Variants in RYR2 observed in about 807,000 individuals in gnomAD.
RYR2 encodes ryanodine receptor 2.
A neutral mutation model predicts 601.1 loss-of-function variants in RYR2; 227 were observed. The observed-to-expected ratio is 0.38, with a 90% CI of 0.34 to 0.42. RYR2 has a LOEUF of 0.42. Ranked by LOEUF, RYR2 falls within the 10% of genes least tolerant of loss-of-function variation. The pLI, the probability that RYR2 is intolerant of heterozygous loss-of-function variation, is 1.00. For synonymous variants in RYR2, 2,223 were observed against 2,175.1 expected, an observed-to-expected ratio of 1.02 and a Z score of -0.61; for missense variants, 4,646 against 6,156.5, an observed-to-expected ratio of 0.75 and a Z score of 8.21.
At chr1:237,631,671 C>G in intron 42 of RYR2, 130 bp downstream of exon 42, 1 of 462,002 alleles carries the variant, frequency 2.2e-6, no homozygotes, top group East Asian at 4.4e-5. Context: ...CTCTGTCGCC[C>G]AGGCTGGAGT....
intron 47 of RYR2, among the ~76,000 whole-genome samples, chr1:237,641,513 C>CTTTCTTTCTT (rs1681525985): frequency 8.3e-6 from 1 of 120,878 alleles, no homozygotes; most frequent in African/African-American, 2.7e-5. Context: ...TTCTTTCTTT[C>CTTTCTTTCTT]TTTCTTTCTT....
At chr1:237,233,596 C>A (rs1366890890) in intron 1 of RYR2, among the ~76,000 whole-genome samples, 1 of 152,138 alleles carries the variant, frequency 6.6e-6, no homozygotes, top group African/African-American at 2.4e-5. Flanking sequence ...ATGGCTAGAA[C>A]TTAGCATATG....
intron 17 of RYR2, among the ~76,000 whole-genome samples, chr1:237,476,713 A>G (rs1456923428): frequency 1.3e-5 from 2 of 152,098 alleles, no homozygotes. Context: ...CTGTGAAATA[A>G]ATTGTGCCAT....
intron 1 of RYR2, among the ~76,000 whole-genome samples, chr1:237,133,840 G>A (rs964659047): frequency 7.5e-5 from 11 of 146,506 alleles, no homozygotes; most frequent in South Asian, 2.2e-4. Context: ...CAGGAGAATC[G>A]CTTGAACCCG....
intron 1 of RYR2, among the ~76,000 whole-genome samples, chr1:237,104,252 G>A (rs1352374225): frequency 2.0e-5 from 3 of 152,088 alleles, no homozygotes; most frequent in Non-Finnish European, 2.9e-5. Flanking sequence ...ATTACATTTG[G>A]TACTTGGAAG....
chr1:237,827,062 G>A (rs1262989751), intron 101 of RYR2, among the ~76,000 whole-genome samples: 2 of 152,184 alleles, frequency 1.3e-5, no homozygotes, highest in African/African-American at 2.4e-5. Flanking sequence ...TTAAATGTCT[G>A]TAAATGTGAC....
intron 1 of RYR2, among the ~76,000 whole-genome samples, chr1:237,181,592 C>A (rs1447895907): frequency 1.3e-5 from 2 of 152,000 alleles, no homozygotes; most frequent in Non-Finnish European, 2.9e-5. Context: ...ACAGCTGAGA[C>A]TCTCATACAT....
chr1:237,509,884 G>A (rs983903638), intron 23 of RYR2, among the ~76,000 whole-genome samples: 2 of 152,208 alleles, frequency 1.3e-5, no homozygotes, highest in Non-Finnish European at 1.5e-5. Flanking sequence ...GTGTAAAAGC[G>A]AGGAGGCAGA....
At chr1:237,751,181 TTC>T (rs1692507628) in intron 80 of RYR2, among the ~76,000 whole-genome samples, 2 of 152,346 alleles carry the variant, frequency 1.3e-5, no homozygotes, top group Middle Eastern at 6.8e-3. Flanking sequence ...CTTGTTCTTA[TTC>T]TCTCTTTTGT....
chr1:237,761,043 C>A lies in RYR2; in HGVS notation c.11476+15C>A. On this transcript the variant is annotated intron_variant, in intron 84 of 104. Transcript: ENST00000366574. The stretch of plus-strand genomic sequence containing the variant: ...GGAAGGATCAGGTATTAATGACTTA[C>A]ATTAAAAGGATCACCTGTCTCCCTT... The A allele has an allele frequency of 6.7e-7, 1 of 1,481,716 alleles. No homozygotes were observed. Among genetic ancestry groups the A allele is most frequent in the Non-Finnish European group, 9.3e-7 (1 of 1,078,462 alleles). 91.8% of individuals were successfully genotyped at this position (1,481,716 alleles called of 1,614,324 possible).
intron 47 of RYR2, among the ~76,000 whole-genome samples, chr1:237,641,975 T>C (rs1176719692): frequency 1.5e-5 from 2 of 134,708 alleles, no homozygotes; most frequent in East Asian, 4.4e-4. Flanking sequence ...TTCTATTATA[T>C]TCATTTAAAA....
intron 2 of RYR2, among the ~76,000 whole-genome samples, chr1:237,282,188 A>ATTT (rs11413100): frequency 6.9e-6 from 1 of 145,328 alleles, no homozygotes; most frequent in African/African-American, 2.5e-5. Context: ...AAGTTGGCGC[A>ATTT]TTTTTTTTTT....
intron 1 of RYR2, among the ~76,000 whole-genome samples, chr1:237,093,990 G>A (rs1209819472): frequency 2.0e-5 from 3 of 152,198 alleles, no homozygotes; most frequent in African/African-American, 7.2e-5. Context: ...CCTAGGCAGT[G>A]GCGACAGGAA....
chr1:237,204,284 C>G (rs1463139873), intron 1 of RYR2, among the ~76,000 whole-genome samples: 1 of 152,202 alleles, frequency 6.6e-6, no homozygotes, highest in Non-Finnish European at 1.5e-5. Flanking sequence ...GCTGGGATTA[C>G]AGGCGTGAGC....
rs577723523 is a variant in RYR2 at position 237,106,370 on chromosome 1, A to AT, written c.48+63808dup. 1.3e-3 allele frequency among the ~76,000 whole-genome samples: 194 copies of AT among 152,068 alleles called. 1 individual carries two copies. The highest frequency in any genetic ancestry group is 4.3e-3 in the African/African-American group (177 of 41,494). On this transcript the variant is annotated intron_variant, in intron 1 of 104. Coordinates refer to ENST00000366574, the MANE Select transcript of RYR2 (RefSeq NM_001035.3). This position sits in a 1 kb window ranked among gnomAD's most constrained non-coding sequence, Gnocchi z 4.4. ...GGCACCGAGCAGCAGGACCCTGGATATTTTTTTGGACATAGAGCCAGGAGG... is the reference window on the plus strand; with the variant it reads ...GGCACCGAGCAGCAGGACCCTGGATATTTTTTTTGGACATAGAGCCAGGAGG...
intron 80 of RYR2, among the ~76,000 whole-genome samples, chr1:237,748,499 T>C (rs1476472603): frequency 1.3e-5 from 2 of 152,156 alleles, no homozygotes; most frequent in Admixed American, 1.3e-4. Flanking sequence ...TCCATTAACA[T>C]GGGGTCTCCT....
intron 12 of RYR2, among the ~76,000 whole-genome samples, chr1:237,426,242 A>G (rs1213783141): frequency 6.6e-6 from 1 of 152,172 alleles, no homozygotes; most frequent in African/African-American, 2.4e-5. Flanking sequence ...GGAGAGCTCC[A>G]GGAAAGACAG....
At chr1:237,177,703 G>T (rs1276577828) in intron 1 of RYR2, among the ~76,000 whole-genome samples, 7 of 152,048 alleles carry the variant, frequency 4.6e-5, no homozygotes, top group South Asian at 4.2e-4. Context: ...ACTGTTGATG[G>T]TCATTAGATT....
intron 29 of RYR2, among the ~76,000 whole-genome samples, chr1:237,586,410 A>G (rs1206234017): frequency 6.6e-6 from 1 of 152,190 alleles, no homozygotes; most frequent in Non-Finnish European, 1.5e-5. Context: ...CATTATACAT[A>G]CAAGATCTAA....
Sources: gnomAD v4.1 joint callset for allele counts (sites outside exome capture counted in the v4.1 genomes callset) on GRCh38, gnomAD v4.1.1 for gene constraint, Gnocchi (gnomAD v3.1) non-coding constraint, MANE v1.5 for transcripts, NCBI Gene and HGNC (gene_info 2026-07-23, HGNC 2026-07-21) for gene names.